The following TTN variants were observed in gnomAD, a reference collection of about 807,000 sequenced individuals.
TTN encodes the protein titin.
Under a neutral mutation model 3,223.0 loss-of-function variants are expected in TTN, and 1,525 were observed. That is an observed-to-expected ratio of 0.47 (90% confidence interval 0.45 to 0.49). The LOEUF (loss-of-function observed/expected upper bound fraction) is 0.49. TTN is among the 20% of genes least tolerant of loss of function. The pLI is 0.00. For synonymous variants in TTN, 14,094 were observed against 15,161.0 expected, an observed-to-expected ratio of 0.93 and a Z score of 5.17; for missense variants, 40,786 against 43,424.0, an observed-to-expected ratio of 0.94 and a Z score of 5.40.
At chr2:178,747,274 A>G (rs779709450) in intron 47 of TTN, 6 of 1,613,244 alleles carry the variant, frequency 3.7e-6, no homozygotes, top group Non-Finnish European at 5.1e-6. Context: ...CACCTTCGGA[A>G]GGTGTTGAAT....
At chr2:178,795,288 G>T in intron 6 of TTN, 36 bp from the exon 7 acceptor site, 1 of 1,594,058 alleles carries the variant, frequency 6.3e-7, no homozygotes. Context: ...GAATGTCAAA[G>T]CAAGGAGGGG....
In TTN at chr2:178,777,557, T is replaced by C; in HGVS notation, c.4508A>G (p.His1503Arg). The change falls in exon 26 of 363, where the codon CAT (histidine) becomes CGT (arginine). Residue 1503 changes from histidine (H) to arginine (R), a missense_variant. Physicochemically the swap from His to Arg is conservative, Grantham distance 29 (BLOSUM62 0). Transcript: ENST00000589042. ...DGQQIVNDYT[H>R]KVVIKEDGTQ... ...ACCATCTTCTTTAATGACTACTTTA[T>C]GGGTATAGTCATTGACAATTTGCTG... The C allele has an allele frequency of 1.9e-6, 3 of 1,613,968 alleles. No homozygotes were observed. The highest frequency in any genetic ancestry group is 1.1e-5 in the South Asian group (1 of 91,076).
Position 178,634,883 on chromosome 2 carries a change from G to A in TTN, c.42025-34C>T. ...CAATAGTTTTAGTAACCATTTGAAA[G>A]AGATAAATTCCCTATAGGAGAAGTG... On this transcript the variant is annotated intron_variant, in intron 228 of 362. Coordinates refer to ENST00000589042, the MANE Select transcript of TTN (RefSeq NM_001267550.2). This position sits in a 1 kb window ranked among gnomAD's most constrained non-coding sequence, Gnocchi z 4.6. 1 of 1,593,688 alleles carries A rather than the reference G, an allele frequency of 6.3e-7. No homozygotes were observed. Among genetic ancestry groups the A allele is most frequent in the East Asian group, 2.2e-5 (1 of 44,496 alleles).
rs937019233 is a variant in TTN at position 178,716,210 on chromosome 2, G to A, written c.25640-436C>T. 5.3e-5 allele frequency among the ~76,000 whole-genome samples: 8 copies of A among 152,070 alleles called. No homozygotes were observed. In the East Asian group the frequency reaches 5.8e-4, roughly 11 times the overall value. On this transcript the variant is annotated intron_variant, in intron 88 of 362. Coordinates refer to ENST00000589042, the MANE Select transcript of TTN (RefSeq NM_001267550.2). ...TATCAGTTACATAGCATGAAGAGCC[G>A]GAATGGCAAAGTGGGTCAGATATCT...
Position 178,601,000 on chromosome 2 carries a change from T to C in TTN, c.55904A>G (p.Asn18635Ser). 1 of 1,613,118 alleles carries C rather than the reference T, an allele frequency of 6.2e-7. No homozygotes were observed. The highest frequency in any genetic ancestry group is 1.1e-5 in the South Asian group (1 of 91,038). ...TTGCAGTTCTTCCACATCACGCTTA[T>C]TGCACTGCCTCCAGGCTTCTTTCTT... ...GTKKEAWRQCNKRDVEELQFT... is the reference protein window; with the variant it reads ...GTKKEAWRQCSKRDVEELQFT... Residue 18635 changes from asparagine (N) to serine (S), a missense_variant, in exon 288 of 363, where the codon AAT becomes AGT. Physicochemically the swap from Asn to Ser is conservative, Grantham distance 46. Coordinates refer to ENST00000589042, the MANE Select transcript of TTN (RefSeq NM_001267550.2).
rs747161377 is a variant in TTN at position 178,634,566 on chromosome 2, C to G, written c.42215G>C (p.Arg14072Pro). 1 of 1,613,300 alleles carries G rather than the reference C, an allele frequency of 6.2e-7. No homozygotes were observed. The highest frequency in any genetic ancestry group is 8.5e-7 in the Non-Finnish European group (1 of 1,179,516). Residue 14072 changes from arginine to proline, a missense_variant, in exon 230 of 363, where the codon CGA becomes CCA. By Grantham distance (103) the Arg-to-Pro change is moderately radical. Transcript: ENST00000589042. This position sits in a 1 kb window ranked among gnomAD's most constrained non-coding sequence, Gnocchi z 4.6. Reference sequence around the variant, plus strand: ...CTCTCGGGTGAGGACACATTCGAATCGAGCCTGTCGCCTTTCTGGAACAGT... The same window carrying G: ...CTCTCGGGTGAGGACACATTCGAATGGAGCCTGTCGCCTTTCTGGAACAGT... ...DVTVPERRQA[R>P]FECVLTREAN...
Position 178,536,983 on chromosome 2 carries a change from C to T in TTN, c.100126G>A (p.Asp33376Asn). Reference protein sequence around the residue: ...VSAQNTFGISDPLEVSSVVII... With the variant: ...VSAQNTFGISNPLEVSSVVII... ...ACAACTGAGGACACTTCTAGAGGGTCACTGATGCCGAAAGTGTTCTGAGCT... is the reference window on the plus strand; with the variant it reads ...ACAACTGAGGACACTTCTAGAGGGTTACTGATGCCGAAAGTGTTCTGAGCT... The change falls in exon 356 of 363, where the codon GAC (aspartate) becomes AAC (asparagine). Residue 33376 changes from aspartate (D) to asparagine (N), a missense_variant. Physicochemically the swap from Asp to Asn is conservative, Grantham distance 23. Coordinates refer to ENST00000589042, the MANE Select transcript of TTN (RefSeq NM_001267550.2). The T allele has an allele frequency of 6.2e-7, 1 of 1,613,308 alleles. No homozygotes were observed.
chr2:178,565,445 T>A lies in TTN; in HGVS notation c.80687A>T (p.Asp26896Val), dbSNP rs1705407272. 5 of 1,613,368 alleles carry A rather than the reference T, an allele frequency of 3.1e-6. No homozygotes were observed. The highest frequency in any genetic ancestry group is 4.2e-6 in the Non-Finnish European group (5 of 1,179,614). ...TATAACTGGAATTTCTATTTTAAGATCTTCTCCAGCTTGGATACTATATGT... is the reference window on the plus strand; with the variant it reads ...TATAACTGGAATTTCTATTTTAAGAACTTCTCCAGCTTGGATACTATATGT... ...FNTYSIQAGE[D>V]LKIEIPVIGR... Residue 26896 changes from aspartate (D) to valine (V), a missense_variant, in exon 326 of 363, where the codon GAT becomes GTT. Transcript: ENST00000589042.
intron 313 of TTN, 58 bp from the exon 314 acceptor site, chr2:178,582,650 G>T: frequency 1.4e-6 from 2 of 1,470,196 alleles, no homozygotes; most frequent in Non-Finnish European, 1.8e-6. Flanking sequence ...ATAGAGTAGA[G>T]GTCTGGAGAC....
intron 41 of TTN, 105 bp downstream of exon 41, chr2:178,766,276 T>G (rs979480129): frequency 3.3e-6 from 3 of 914,818 alleles, no homozygotes; most frequent in Non-Finnish European, 5.4e-6. Flanking sequence ...ATGAATACCA[T>G]AGGTTCTTTA....
rs1487268717 is a variant in TTN, at chr2:178,807,353, C to T, written c.-155G>A. ...AATCCTAAAAACAAAACTACACAGTCAAGACTGTGTAGTTTTGCTTTTCTA... is the reference window on the plus strand; with the variant it reads ...AATCCTAAAAACAAAACTACACAGTTAAGACTGTGTAGTTTTGCTTTTCTA... On this transcript the variant is annotated 5_prime_UTR_variant, in exon 1 of 363. Transcript: ENST00000589042. The T allele has an allele frequency of 3.9e-5, 6 of 152,108 alleles. No homozygotes were observed. The highest frequency in any genetic ancestry group is 1.2e-4 in the African/African-American group (5 of 41,414). 9.4% of individuals were successfully genotyped at this position (152,108 alleles called of 1,614,324 possible).
At chr2:178,546,557 A>C (rs777571293) in intron 341 of TTN, 43 bp downstream of exon 341, 1 of 1,593,854 alleles carries the variant, frequency 6.3e-7, no homozygotes, top group Admixed American at 1.7e-5. Flanking sequence ...TTTTCACATA[A>C]ATTGAGATAA....
chr2:178,668,218 G>C (rs1405399059), intron 159 of TTN, among the ~76,000 whole-genome samples: 6 of 151,724 alleles, frequency 4.0e-5, no homozygotes, highest in African/African-American at 1.5e-4. Flanking sequence ...TTTGGAGGCA[G>C]AAAATTAAAA....
In TTN at chr2:178,733,017, T is replaced by G. The variant is rs371501460; in HGVS notation, c.16159A>C (p.Arg5387=). 2.4e-5 allele frequency: 39 copies of G among 1,613,384 alleles called. No homozygotes were observed. The highest frequency in any genetic ancestry group is 3.3e-5 in the Non-Finnish European group (39 of 1,179,722). The part of the protein sequence containing the change: ...DCKIAGSLPM[R]VSWFKDGKEI... ...TTGCCATCCTTAAACCAGGACACCC[T>G]CATGGGGAGGGAGCCTGCAATTTTG... Residue 5387 remains arginine (R), a synonymous_variant, in exon 55 of 363, where the codon AGG becomes CGG. Coordinates refer to ENST00000589042, the MANE Select transcript of TTN (RefSeq NM_001267550.2).
In TTN at chr2:178,782,906, A is replaced by G; in HGVS notation, c.3000T>C (p.Leu1000=). 6.2e-7 allele frequency: 1 copy of G among 1,614,156 alleles called. No individual in the cohort carries two copies. The highest frequency in any genetic ancestry group is 8.5e-7 in the Non-Finnish European group (1 of 1,180,008). The part of the protein sequence containing the change: ...QITFQSGIAR[L]MIREAFAEDS... ...CTTCCGCAAATGCTTCGCGAATCAT[A>G]AGACGAGCAATTCCACTCTGGAAGG... The change falls in exon 18 of 363, where the codon CTT becomes CTC. Residue 1000 remains leucine (L), a synonymous_variant. Coordinates refer to ENST00000589042, the MANE Select transcript of TTN (RefSeq NM_001267550.2).
In TTN at chr2:178,775,582, A is replaced by C; in HGVS notation, c.6282T>G (p.Asp2094Glu). 1 of 1,614,074 alleles carries C rather than the reference A, an allele frequency of 6.2e-7. No individual in the cohort carries two copies. The highest frequency in any genetic ancestry group is 1.6e-4 in the Middle Eastern group (1 of 6,062). The change falls in exon 28 of 363, where the codon GAT (aspartate) becomes GAG (glutamate). Residue 2094 changes from aspartate to glutamate, a missense_variant. Coordinates refer to ENST00000589042, the MANE Select transcript of TTN (RefSeq NM_001267550.2). ...IQSQTVGQGS[D>E]AHFRVRVVGK... ...CCACGACTCTGACCCGGAAGTGTGC[A>C]TCAGATCCTTGGCCCACTGTTTGGC... is the stretch of plus-strand genomic sequence containing the variant.
Position 178,675,936 on chromosome 2 carries a change from C to G in TTN, c.34438G>C (p.Ala11480Pro), listed in dbSNP as rs767925374. The change falls in exon 148 of 363, where the codon GCT (alanine) becomes CCT (proline). Residue 11480 changes from alanine (A) to proline (P), a missense_variant. Coordinates refer to ENST00000589042, the MANE Select transcript of TTN (RefSeq NM_001267550.2). ...ATAGCAATACCTTTGGCAGGGGGAG[C>G]CTCCTCTTTCTTGGGAATGACCACT... ...KKVVIPKKEE[A>P]PPAKVSVVPK... The G allele has an allele frequency of 1.9e-6, 3 of 1,607,800 alleles. No homozygotes were observed. Among genetic ancestry groups the G allele is most frequent in the South Asian group, 1.1e-5 (1 of 89,800 alleles).
At position 178,571,975 on chromosome 2, in the gene TTN, T is replaced by G. The variant is rs1708348947; in HGVS notation, c.74157A>C (p.Lys24719Asn). The G allele has an allele frequency of 6.2e-7, 1 of 1,613,054 alleles. No individual in the cohort carries two copies. Among genetic ancestry groups the G allele is most frequent in the African/African-American group, 1.3e-5 (1 of 74,830 alleles). Reference sequence around the variant, plus strand: ...GTACAGTGAAAGTATTGAACAGGAGTTTGAAGGCTGGTGGAATGACAAGAT... The same window carrying G: ...GTACAGTGAAAGTATTGAACAGGAGGTTGAAGGCTGGTGGAATGACAAGAT... ...AKDLVIPPAF[K>N]LLFNTFTVLA... The change falls in exon 326 of 363, where the codon AAA (lysine) becomes AAC (asparagine). Residue 24719 changes from lysine (K) to asparagine (N), a missense_variant. By Grantham distance (94) the Lys-to-Asn change is moderately conservative. Transcript: ENST00000589042.
chr2:178,574,423 T>C lies in TTN; in HGVS notation c.71709A>G (p.Ala23903=). 3.7e-6 allele frequency: 6 copies of C among 1,613,594 alleles called. No individual in the cohort carries two copies. The highest frequency in any genetic ancestry group is 4.2e-6 in the Non-Finnish European group (5 of 1,179,640). The part of the protein sequence containing the change: ...DGIAYEFRVI[A]ENMAGKSKPS... ...GCTTACTTTTGCCTGCCATGTTTTC[T>C]GCAATCACCCGGAACTCATAAGCAA... Residue 23903 remains alanine, a synonymous_variant, in exon 326 of 363, where the codon GCA becomes GCG. Coordinates refer to ENST00000589042, the MANE Select transcript of TTN (RefSeq NM_001267550.2).
Sources: gnomAD v4.1 joint callset for allele counts (sites outside exome capture counted in the v4.1 genomes callset) on GRCh38, gnomAD v4.1.1 for gene constraint, Gnocchi (gnomAD v3.1) non-coding constraint, MANE v1.5 for transcripts, NCBI Gene and HGNC (gene_info 2026-07-23, HGNC 2026-07-21) for gene names.